WDR70: variants seen among roughly 807,000 people sequenced by gnomAD.
WDR70 encodes WD repeat domain 70, also known as WD repeat-containing protein 70.
Under a neutral mutation model 88.6 loss-of-function variants are expected in WDR70, and 53 were observed. The observed-to-expected ratio is 0.60, with a 90% CI of 0.48 to 0.75. The LOEUF (loss-of-function observed/expected upper bound fraction) is 0.75. Among genes scored for constraint, WDR70 ranks in the 30% least tolerant of loss-of-function variants. WDR70 has a pLI of 0.00. For synonymous variants in WDR70, 280 were observed against 270.0 expected, an observed-to-expected ratio of 1.04 and a Z score of -0.36; for missense variants, 610 against 823.2, an observed-to-expected ratio of 0.74 and a Z score of 3.17.
intron 7 of WDR70, among the ~76,000 whole-genome samples, chr5:37,467,439 G>A (rs1398444889): frequency 6.6e-6 from 1 of 151,754 alleles, no homozygotes; most frequent in Non-Finnish European, 1.5e-5. Context: ...CCACCATAGG[G>A]GCTCTATTCT....
intron 8 of WDR70, among the ~76,000 whole-genome samples, chr5:37,485,858 A>ATTTTTTTTTTTTTTTTT (rs57109943): frequency 1.6e-4 from 17 of 108,284 alleles, no homozygotes; most frequent in South Asian, 3.2e-4. Flanking sequence ...TGCCTGGCTA[A>ATTTTTTTTTTTTTTTTT]TTTTTTTTTT....
intron 7 of WDR70, among the ~76,000 whole-genome samples, chr5:37,471,980 C>T (rs1370102186): frequency 1.3e-5 from 2 of 151,268 alleles, no homozygotes; most frequent in South Asian, 2.1e-4. Flanking sequence ...CTCCTAATGT[C>T]AGAGGGAAGG....
intron 9 of WDR70, among the ~76,000 whole-genome samples, chr5:37,577,732 T>C (rs1409342441): frequency 6.6e-6 from 1 of 152,094 alleles, no homozygotes; most frequent in Non-Finnish European, 1.5e-5. Flanking sequence ...CCCCAAGTGA[T>C]ACAGGGAAGG....
intron 10 of WDR70, among the ~76,000 whole-genome samples, chr5:37,619,623 G>C (rs1744449828): frequency 6.6e-6 from 1 of 152,124 alleles, no homozygotes; most frequent in South Asian, 2.1e-4. Flanking sequence ...CAGTTCTCTG[G>C]TCTGTGTGCA....
intron 10 of WDR70, among the ~76,000 whole-genome samples, chr5:37,687,741 A>AT (rs35188065): frequency 5.7e-4 from 85 of 148,096 alleles, no homozygotes; most frequent in South Asian, 1.9e-3. Context: ...ATCTAGCAGA[A>AT]TTTTTTTTTT....
intron 9 of WDR70, among the ~76,000 whole-genome samples, chr5:37,548,648 A>G (rs966528500): frequency 1.4e-4 from 22 of 152,008 alleles, no homozygotes; most frequent in African/African-American, 4.3e-4. Flanking sequence ...TTAACTTGAT[A>G]TGATTCCATT....
chr5:37,701,208 T>C (rs1388573920), intron 12 of WDR70, 66 bp downstream of exon 12: 18 of 1,009,712 alleles, frequency 1.8e-5, no homozygotes, highest in Admixed American at 1.9e-5. Flanking sequence ...TTTACTTTAA[T>C]GTTAATTTAT....
At chr5:37,605,706 A>G (rs750538225) in intron 10 of WDR70, among the ~76,000 whole-genome samples, 9 of 152,116 alleles carry the variant, frequency 5.9e-5, no homozygotes, top group Non-Finnish European at 4.4e-5. Context: ...ATTCTATGAC[A>G]TTTCATATAG....
intron 9 of WDR70, among the ~76,000 whole-genome samples, chr5:37,590,847 C>G (rs998900503): frequency 2.6e-5 from 4 of 152,018 alleles, no homozygotes; most frequent in Non-Finnish European, 5.9e-5. Context: ...ATCCAAGATT[C>G]AACCTTAAGA....
At chr5:37,728,726 C>CT (rs1748060407) in intron 17 of WDR70, among the ~76,000 whole-genome samples, 1 of 152,120 alleles carries the variant, frequency 6.6e-6, no homozygotes. Flanking sequence ...TGTAAAGATG[C>CT]TTTCATTCTA....
At position 37,506,653 on chromosome 5, in the gene WDR70, G is replaced by T. The variant is rs961695778; in HGVS notation, c.841-9861G>T. 72 of 780,160 alleles carry T rather than the reference G, an allele frequency of 9.2e-5. No homozygotes were observed. The African/African-American group carries it at 1.2e-3, about 13-fold the overall frequency. The allele number at this position is 780,160 out of a possible 1,614,324, so 48.3% of individuals were successfully genotyped here. ...GAATCTGTCTGAAGATCAATAAATG[G>T]CTCTCCCTCACACACAAATAAAACA... On this transcript the variant is annotated intron_variant, in intron 8 of 17. Coordinates refer to ENST00000265107, the MANE Select transcript of WDR70 (RefSeq NM_018034.4).
chr5:37,543,937 CTT>C (rs1401268650), intron 9 of WDR70, among the ~76,000 whole-genome samples: 1 of 151,890 alleles, frequency 6.6e-6, no homozygotes, highest in Non-Finnish European at 1.5e-5. Flanking sequence ...CCTGGCTAAT[CTT>C]TTTTGTATTT....
At chr5:37,617,025 A>T (rs1163037745) in intron 10 of WDR70, among the ~76,000 whole-genome samples, 4 of 152,232 alleles carry the variant, frequency 2.6e-5, no homozygotes, top group Admixed American at 2.6e-4. Flanking sequence ...ACTAGATTTT[A>T]AAGCATATAG....
intron 17 of WDR70, among the ~76,000 whole-genome samples, chr5:37,742,030 C>G (rs970897997): frequency 5.3e-5 from 8 of 152,284 alleles, no homozygotes; most frequent in African/African-American, 1.9e-4. Flanking sequence ...TGCTTCTACT[C>G]TTTGGCTCTT....
At chr5:37,667,980 C>T (rs1477403303) in intron 10 of WDR70, among the ~76,000 whole-genome samples, 1 of 150,972 alleles carries the variant, frequency 6.6e-6, no homozygotes, top group African/African-American at 2.4e-5. Flanking sequence ...TGTGAATCTT[C>T]AAGACAAGGC....
chr5:37,638,827 A>G (rs374887355), intron 10 of WDR70, among the ~76,000 whole-genome samples: 117 of 152,326 alleles, frequency 7.7e-4, no homozygotes, highest in African/African-American at 2.7e-3. Flanking sequence ...AGGAAAAGTA[A>G]TAACTGACAC....
At chr5:37,733,801 A>T (rs1369904815) in intron 17 of WDR70, among the ~76,000 whole-genome samples, 1 of 151,988 alleles carries the variant, frequency 6.6e-6, no homozygotes, top group African/African-American at 2.4e-5. Context: ...CCGAGAACAG[A>T]GTTGTCTTTC....
intron 10 of WDR70, among the ~76,000 whole-genome samples, chr5:37,651,696 C>T (rs937278048): frequency 5.9e-5 from 9 of 152,166 alleles, no homozygotes; most frequent in African/African-American, 1.4e-4. Context: ...ATTTGCATTT[C>T]GCTAATGACC....
chr5:37,714,386 G>A (rs2112683476), intron 13 of WDR70, among the ~76,000 whole-genome samples: 1 of 152,280 alleles, frequency 6.6e-6, no homozygotes, highest in Non-Finnish European at 1.5e-5. Context: ...AAAACCAGGT[G>A]GAGTTGGGTT....
Sources: allele counts gnomAD v4.1 joint callset (sites outside exome capture counted in the v4.1 genomes callset), GRCh38; gene constraint gnomAD v4.1.1; transcripts MANE v1.5; gene names NCBI Gene and HGNC (gene_info 2026-07-23, HGNC 2026-07-21).